Variants in PTPRN observed in about 807,000 individuals in gnomAD.
The protein encoded by PTPRN is protein tyrosine phosphatase receptor type N.
A neutral mutation model predicts 108.5 loss-of-function variants in PTPRN; 70 were observed. That is an observed-to-expected ratio of 0.65 (90% CI 0.53 to 0.79). The LOEUF is 0.79. Among genes scored for constraint, PTPRN ranks in the 30% least tolerant of loss-of-function variants. PTPRN has a pLI of 0.00. For missense variants in PTPRN, 1,136 were observed against 1,295.5 expected (o/e 0.88, Z 1.89); for synonymous variants, 496 against 524.6 (o/e 0.95, Z 0.75).
chr2:219,295,487 G>A (rs923299591), intron 18 of PTPRN: 3 of 207,626 alleles, frequency 1.4e-5, no homozygotes, highest in African/African-American at 7.0e-5. Flanking sequence ...TTAACCACCA[G>A]CAGGACCAAT....
Position 219,297,807 on chromosome 2 carries a change from G to A in PTPRN, c.1887+78C>T, listed in dbSNP as rs1386431536. 7.5e-6 allele frequency: 11 copies of A among 1,472,756 alleles called. No homozygotes were observed. The highest frequency in any genetic ancestry group is 2.4e-4 in the Middle Eastern group (1 of 4,126). 91.2% of individuals were successfully genotyped at this position (1,472,756 alleles called of 1,614,324 possible). A position where few individuals can be genotyped will look rare whatever the true frequency, so the allele number is the denominator to read the frequency against. On this transcript the variant is annotated intron_variant, in intron 13 of 22. Coordinates refer to ENST00000295718, the MANE Select transcript of PTPRN (RefSeq NM_002846.4). This position sits in a 1 kb window ranked among gnomAD's most constrained non-coding sequence, Gnocchi z 6.0. ...GAGGGCTCACTCCCCATTCAGTTCC[G>A]ACCCTTAGTCCACGCAAGACCCAGA...
rs1559302343 is a variant in PTPRN at position 219,302,402 on chromosome 2, G to T, written c.729C>A (p.Leu243=). The T allele has an allele frequency of 6.2e-7, 1 of 1,614,144 alleles. No homozygotes were observed. The highest frequency in any genetic ancestry group is 1.7e-5 in the Admixed American group (1 of 60,034). The change falls in exon 6 of 23, where the codon CTC becomes CTA. Residue 243 remains leucine (L), a synonymous_variant. Coordinates refer to ENST00000295718, the MANE Select transcript of PTPRN (RefSeq NM_002846.4). ...TGCCCTTGGAGGCAGTTCTGCTGAA[G>T]AGGGCAGGGGCTTCAGCCTTGGGCA... ...GPLPKAEAPA[L]FSRTASKGIF... is the part of the protein sequence containing the mutation.
Position 219,296,796 on chromosome 2 carries a change from C to T in PTPRN, c.2263G>A (p.Val755Met). The T allele has an allele frequency of 6.2e-7, 1 of 1,614,026 alleles. No homozygotes were observed. Among genetic ancestry groups the T allele is most frequent in the African/African-American group, 1.3e-5 (1 of 75,000 alleles). The stretch of plus-strand genomic sequence containing the variant: ...TCGCTCCGAGAAGGGCTGCTCTCCA[C>T]CTTCAGTTTTATGCGGGCATGGTCA... ...PYDHARIKLK[V>M]ESSPSRSDYI... is the part of the protein sequence containing the mutation. Residue 755 changes from valine (V) to methionine (M), a missense_variant, in exon 16 of 23, where the codon GTG becomes ATG. Coordinates refer to ENST00000295718, the MANE Select transcript of PTPRN (RefSeq NM_002846.4). The surrounding 1 kb of genome is among the most constrained non-coding windows in gnomAD (Gnocchi z 6.0).
chr2:219,298,152 T>A (rs1404336449), intron 12 of PTPRN, 49 bp from the exon 13 acceptor site: 3 of 1,569,384 alleles, frequency 1.9e-6, no homozygotes, highest in Non-Finnish European at 2.6e-6. Flanking sequence ...TAGGGAGGTT[T>A]CAGAGCTGCT....
chr2:219,306,396 T>C (rs1191482640), intron 3 of PTPRN, among the ~76,000 whole-genome samples: 2 of 152,128 alleles, frequency 1.3e-5, no homozygotes, highest in African/African-American at 4.8e-5. Context: ...ATTAGAGAAG[T>C]GAAGAAACAA....
intron 10 of PTPRN, 120 bp from the exon 11 acceptor site, chr2:219,299,504 A>G: frequency 8.1e-7 from 1 of 1,241,610 alleles, no homozygotes; most frequent in Non-Finnish European, 1.2e-6. Flanking sequence ...GGGATGCCCT[A>G]CAGGGGCATC....
chr2:219,290,848 C>A lies in PTPRN; in HGVS notation c.2772G>T (p.Met924Ile). The A allele has an allele frequency of 1.2e-6, 2 of 1,614,108 alleles. No homozygotes were observed. Among genetic ancestry groups the A allele is most frequent in the Non-Finnish European group, 1.7e-6 (2 of 1,180,006 alleles). The change falls in exon 21 of 23, where the codon ATG (methionine) becomes ATT (isoleucine). Residue 924 changes from methionine (M) to isoleucine (I), a missense_variant. Physicochemically the swap from Met to Ile is conservative, Grantham distance 10. Coordinates refer to ENST00000295718, the MANE Select transcript of PTPRN (RefSeq NM_002846.4). This position sits in a 1 kb window ranked among gnomAD's most constrained non-coding sequence, Gnocchi z 4.2. ...TACCTTTTGCCATGCGGTTCAGGACCATGTCGATGAGGATGTAGGTGCCGG... is the reference window on the plus strand; with the variant it reads ...TACCTTTTGCCATGCGGTTCAGGACAATGTCGATGAGGATGTAGGTGCCGG... Reference protein sequence around the residue: ...GRTGTYILIDMVLNRMAKGVK... With the variant: ...GRTGTYILIDIVLNRMAKGVK...
chr2:219,302,979 G>T lies in PTPRN; in HGVS notation c.378-142C>A. The T allele has an allele frequency of 1.8e-5, 13 of 735,744 alleles. No individual in the cohort carries two copies. In the South Asian group the frequency reaches 1.9e-4, roughly 11 times the overall value. 45.6% of individuals were successfully genotyped at this position (735,744 alleles called of 1,614,324 possible). ...TAGAAACTGAGTGACCTCAGGGGAAGAGAGATGGGCTGGGTGGGAATGGGG... is the reference window on the plus strand; with the variant it reads ...TAGAAACTGAGTGACCTCAGGGGAATAGAGATGGGCTGGGTGGGAATGGGG... On this transcript the variant is annotated intron_variant, in intron 4 of 22. Transcript: ENST00000295718.
intron 12 of PTPRN, 104 bp downstream of exon 12, chr2:219,298,943 A>G: frequency 7.3e-7 from 1 of 1,374,754 alleles, no homozygotes; most frequent in Middle Eastern, 1.8e-4. Context: ...AGCCGTGCCT[A>G]CGGACACGTT....
chr2:219,290,881 C>T lies in PTPRN; in HGVS notation c.2739G>A (p.Ala913=), dbSNP rs144044901. The change falls in exon 21 of 23, where the codon GCG becomes GCA. Residue 913 remains alanine (A), a synonymous_variant. Coordinates refer to ENST00000295718, the MANE Select transcript of PTPRN (RefSeq NM_002846.4). This position sits in a 1 kb window ranked among gnomAD's most constrained non-coding sequence, Gnocchi z 4.2. The part of the protein sequence containing the change: ...CPIIVHCSDG[A]GRTGTYILID... ...TGAGGATGTAGGTGCCGGTCCTCCCCGCACCATCACTGAAACAGGAGTTAG... is the reference window on the plus strand; with the variant it reads ...TGAGGATGTAGGTGCCGGTCCTCCCTGCACCATCACTGAAACAGGAGTTAG... The T allele has an allele frequency of 3.3e-5, 54 of 1,613,758 alleles. No homozygotes were observed. Among genetic ancestry groups the T allele is most frequent in the South Asian group, 1.6e-4 (15 of 91,082 alleles).
At chr2:219,291,654 G>A (rs1055140326) in intron 19 of PTPRN, 131 bp from the exon 20 acceptor site, 75 of 947,244 alleles carry the variant, frequency 7.9e-5, no homozygotes, top group Non-Finnish European at 1.1e-4. Context: ...GAAGATGGTT[G>A]GAGAAAGGAG....
In PTPRN at chr2:219,302,385, G is replaced by C. The variant is rs750013665; in HGVS notation, c.746C>G (p.Ser249Cys). The change falls in exon 6 of 23, where the codon TCC (serine) becomes TGC (cysteine). Residue 249 changes from serine (S) to cysteine (C), a missense_variant. Physicochemically the swap from Ser to Cys is moderately radical, Grantham distance 112. Coordinates refer to ENST00000295718, the MANE Select transcript of PTPRN (RefSeq NM_002846.4). Reference protein sequence around the residue: ...EAPALFSRTASKGIFGDHPGH... With the variant: ...EAPALFSRTACKGIFGDHPGH... The stretch of plus-strand genomic sequence containing the variant: ...AGGGTGGTCCCCAAATATGCCCTTG[G>C]AGGCAGTTCTGCTGAAGAGGGCAGG... 5.0e-5 allele frequency: 80 copies of C among 1,613,918 alleles called. No individual in the cohort carries two copies. The highest frequency in any genetic ancestry group is 6.5e-5 in the Non-Finnish European group (77 of 1,179,932).
In PTPRN at chr2:219,290,728, G is replaced by A; in HGVS notation, c.2794+98C>T. On this transcript the variant is annotated intron_variant, in intron 21 of 22. Transcript: ENST00000295718. This position sits in a 1 kb window ranked among gnomAD's most constrained non-coding sequence, Gnocchi z 4.2. ...TTGGAGGGCTGGGCAGAGCCTGGAG[G>A]TTGACAACCTGCTCCTTCTGAGCTC... is the stretch of plus-strand genomic sequence containing the variant. 3 of 1,512,478 alleles carry A rather than the reference G, an allele frequency of 2.0e-6. No individual in the cohort carries two copies. Among genetic ancestry groups the A allele is most frequent in the Non-Finnish European group, 2.7e-6 (3 of 1,091,340 alleles). The allele number at this position is 1,512,478 out of a possible 1,614,324, so 93.7% of individuals were successfully genotyped here.
In PTPRN at chr2:219,290,721, C is replaced by A. The variant is rs1345262362; in HGVS notation, c.2794+105G>T. The A allele has an allele frequency of 4.7e-6, 7 of 1,503,006 alleles. No homozygotes were observed. Among genetic ancestry groups the A allele is most frequent in the Non-Finnish European group, 6.5e-6 (7 of 1,085,216 alleles). 93.1% of individuals were successfully genotyped at this position (1,503,006 alleles called of 1,614,324 possible). A position where few individuals can be genotyped will look rare whatever the true frequency, so the allele number is the denominator to read the frequency against. On this transcript the variant is annotated intron_variant, in intron 21 of 22. Transcript: ENST00000295718. The surrounding 1 kb of genome is among the most constrained non-coding windows in gnomAD (Gnocchi z 4.2). ...AAGAGCCTTGGAGGGCTGGGCAGAGCCTGGAGGTTGACAACCTGCTCCTTC... is the reference window on the plus strand; with the variant it reads ...AAGAGCCTTGGAGGGCTGGGCAGAGACTGGAGGTTGACAACCTGCTCCTTC...
chr2:219,300,482 C>T lies in PTPRN; in HGVS notation c.1162-223G>A, dbSNP rs1574923953. ...ATGATTGAAAATGGTCTGTACTAAT[C>T]CACAGAATGGGGCTGGAGACAGAAA... is the stretch of plus-strand genomic sequence containing the variant. On this transcript the variant is annotated intron_variant, in intron 8 of 22. Coordinates refer to ENST00000295718, the MANE Select transcript of PTPRN (RefSeq NM_002846.4). The T allele has an allele frequency of 1.1e-5, 6 of 522,956 alleles. No homozygotes were observed. The East Asian group carries it at 1.9e-4, about 16-fold the overall frequency. 32.4% of individuals were successfully genotyped at this position (522,956 alleles called of 1,614,324 possible).
At chr2:219,304,954 A>T (rs1235507452) in intron 3 of PTPRN, among the ~76,000 whole-genome samples, 2 of 152,126 alleles carry the variant, frequency 1.3e-5, no homozygotes, top group African/African-American at 2.4e-5. Context: ...CTTTCTTTCT[A>T]TTCCCTCTTA....
intron 7 of PTPRN, 129 bp from the exon 8 acceptor site, chr2:219,301,106 C>A: frequency 1.1e-6 from 1 of 891,214 alleles, no homozygotes; most frequent in Non-Finnish European, 1.8e-6. Context: ...AGTCAGTGAC[C>A]AAGACCCTGT....
intron 20 of PTPRN, among the ~76,000 whole-genome samples, 181 bp downstream of exon 20, chr2:219,291,289 T>G (rs995906572): frequency 6.6e-6 from 1 of 152,190 alleles, no homozygotes. Context: ...CTTTTCTTCT[T>G]TTTTCTTCAC....
At chr2:219,302,954 T>C (rs1452237878) in intron 4 of PTPRN, 117 bp from the exon 5 acceptor site, 4 of 1,293,566 alleles carry the variant, frequency 3.1e-6, no homozygotes, top group Non-Finnish European at 4.2e-6. Flanking sequence ...CTGACCTCTT[T>C]AGAAACTGAG....
Sources: gnomAD v4.1 joint callset for allele counts (sites outside exome capture counted in the v4.1 genomes callset) on GRCh38, gnomAD v4.1.1 for gene constraint, Gnocchi (gnomAD v3.1) non-coding constraint, MANE v1.5 for transcripts, NCBI Gene and HGNC (gene_info 2026-07-23, HGNC 2026-07-21) for gene names.